Variants in GALNT5 observed in about 807,000 individuals in gnomAD.
The protein encoded by GALNT5 is polypeptide N-acetylgalactosaminyltransferase 5.
Under a neutral mutation model 85.4 loss-of-function variants are expected in GALNT5, and 72 were observed. That is an observed-to-expected ratio of 0.84 (90% CI 0.70 to 1.03). The LOEUF (loss-of-function observed/expected upper bound fraction) is 1.03, where lower values mean the gene tolerates loss of function less well. GALNT5 is among the 50% of genes least tolerant of loss of function. The pLI is 0.00. For missense variants in GALNT5, 1,137 were observed against 1,135.5 expected (o/e 1.00, Z -0.02); for synonymous variants, 404 against 397.0 (o/e 1.02, Z -0.21).
At chr2:157,260,818 A>G (rs1682320332) in intron 1 of GALNT5, among the ~76,000 whole-genome samples, 1 of 152,206 alleles carries the variant, frequency 6.6e-6, no homozygotes, top group Non-Finnish European at 1.5e-5. Context: ...AGCCATCAGC[A>G]AACAGCTATC....
Position 157,312,593 on chromosome 2 carries a change from C to A in GALNT5, c.*1245C>A, listed in dbSNP as rs1205530373. On this transcript the variant is annotated 3_prime_UTR_variant, in exon 10 of 10. Coordinates refer to ENST00000259056, the MANE Select transcript of GALNT5 (RefSeq NM_014568.3). ...AATCTTAAGCATACCAATACTTTGG[C>A]ATACCAGAAGACACCTTAGAAATCA... 1 of 152,106 alleles carries A rather than the reference C, an allele frequency of 6.6e-6. No homozygotes were observed. Among genetic ancestry groups the A allele is most frequent in the Admixed American group, 6.6e-5 (1 of 15,248 alleles). The allele number at this position is 152,106 out of a possible 1,614,324, so 9.4% of individuals were successfully genotyped here.
At chr2:157,299,008 G>A (rs1369464633) in intron 5 of GALNT5, 2 of 153,102 alleles carry the variant, frequency 1.3e-5, no homozygotes, top group Non-Finnish European at 1.5e-5. Context: ...AGGGATGGTC[G>A]TCCTCTTCCA....
At chr2:157,301,068 G>A in intron 7 of GALNT5, 69 bp downstream of exon 7, 1 of 1,126,120 alleles carries the variant, frequency 8.9e-7, no homozygotes, top group Non-Finnish European at 1.3e-6. Flanking sequence ...TCAAAAATGT[G>A]TGGAAAGAAT....
At position 157,300,972 on chromosome 2, in the gene GALNT5, G is replaced by T; in HGVS notation, c.2412G>T (p.Arg804Ser). 1 of 1,613,704 alleles carries T rather than the reference G, an allele frequency of 6.2e-7. No homozygotes were observed. Among genetic ancestry groups the T allele is most frequent in the Non-Finnish European group, 8.5e-7 (1 of 1,179,836 alleles). Residue 804 changes from arginine (R) to serine (S), a missense_variant, in exon 7 of 10, where the codon AGG becomes AGT. By Grantham distance (110) the Arg-to-Ser change is moderately radical (BLOSUM62 -1). Transcript: ENST00000259056. ...WYLENVFPDL[R>S]APIVRASGVL... The stretch of plus-strand genomic sequence containing the variant: ...TGGAGAATGTCTTTCCTGACTTAAG[G>T]GCTCCCATTGTGAGAGCTAGTGGTG...
chr2:157,294,310 AG>A (rs942387324), intron 3 of GALNT5, among the ~76,000 whole-genome samples: 3 of 152,144 alleles, frequency 2.0e-5, no homozygotes, highest in Non-Finnish European at 4.4e-5. Context: ...AGCAGAACAG[AG>A]CAGACAAGAG....
chr2:157,303,721 G>T (rs918069800), intron 7 of GALNT5, among the ~76,000 whole-genome samples: 7 of 151,688 alleles, frequency 4.6e-5, no homozygotes, highest in Non-Finnish European at 8.8e-5. Flanking sequence ...TAAGAAAAAG[G>T]AAAAAAAAAT....
chr2:157,265,867 T>C (rs1195779203), intron 1 of GALNT5, among the ~76,000 whole-genome samples: 1 of 152,246 alleles, frequency 6.6e-6, no homozygotes, highest in Non-Finnish European at 1.5e-5. Context: ...CAAACTCAAG[T>C]ACCTCCTCAA....
intron 1 of GALNT5, among the ~76,000 whole-genome samples, chr2:157,269,794 A>AGTTAAC (rs1682541290): frequency 6.6e-6 from 1 of 152,154 alleles, no homozygotes; most frequent in Admixed American, 6.5e-5. Context: ...AGTCATTTGC[A>AGTTAAC]TGAGCCTGCT....
intron 1 of GALNT5, among the ~76,000 whole-genome samples, chr2:157,279,553 G>A (rs894697450): frequency 2.6e-5 from 4 of 152,160 alleles, no homozygotes; most frequent in Non-Finnish European, 4.4e-5. Flanking sequence ...CCAGGCTGCC[G>A]CCTCCCAGTT....
In GALNT5 at chr2:157,300,730, A is replaced by G; in HGVS notation, c.2170A>G (p.Ile724Val). 6.2e-7 allele frequency: 1 copy of G among 1,614,044 alleles called. No homozygotes were observed. Among genetic ancestry groups the G allele is most frequent in the Non-Finnish European group, 8.5e-7 (1 of 1,179,906 alleles). The change falls in exon 7 of 10, where the codon ATA becomes GTA. Residue 724 changes from isoleucine to valine, a missense_variant. Ile to Val is a conservative substitution (Grantham distance 29, BLOSUM62 3). Coordinates refer to ENST00000259056, the MANE Select transcript of GALNT5 (RefSeq NM_014568.3). ...EIIPCSRVGH[I>V]FRNDNPYSFP... ...CATTCCCTGCTCCCGAGTGGGCCATATATTCAGAAATGACAATCCATATTC... is the reference window on the plus strand; with the variant it reads ...CATTCCCTGCTCCCGAGTGGGCCATGTATTCAGAAATGACAATCCATATTC...
At chr2:157,286,514 GT>G (rs1418551352) in intron 3 of GALNT5, among the ~76,000 whole-genome samples, 4 of 151,478 alleles carry the variant, frequency 2.6e-5, no homozygotes, top group South Asian at 2.1e-4. Flanking sequence ...TTTTGTTTTT[GT>G]TTTTTTGAGA....
intron 8 of GALNT5, among the ~76,000 whole-genome samples, chr2:157,307,303 A>G (rs1683475412): frequency 6.6e-6 from 1 of 152,244 alleles, no homozygotes; most frequent in South Asian, 2.1e-4. Flanking sequence ...GCTTAATACC[A>G]AGCCAGTGAC....
At chr2:157,310,338 C>G (rs1683542997) in intron 9 of GALNT5, among the ~76,000 whole-genome samples, 1 of 152,106 alleles carries the variant, frequency 6.6e-6, no homozygotes, top group East Asian at 1.9e-4. Flanking sequence ...GCTATTGCTA[C>G]TAGGTCTCCC....
At chr2:157,304,083 A>T (rs2105166346) in intron 7 of GALNT5, among the ~76,000 whole-genome samples, 1 of 152,302 alleles carries the variant, frequency 6.6e-6, no homozygotes, top group Admixed American at 6.5e-5. Context: ...AGCTTACATA[A>T]TATTTATCTC....
intron 1 of GALNT5, among the ~76,000 whole-genome samples, chr2:157,273,497 TAAA>T (rs1682640566): frequency 6.6e-6 from 1 of 151,684 alleles, no homozygotes; most frequent in South Asian, 2.1e-4. Context: ...TCCTCAAACT[TAAA>T]AGAAGCTTCA....
chr2:157,317,138 A>G lies in GALNT5; in HGVS notation c.*5790A>G, dbSNP rs1683724345. Among the ~76,000 whole-genome samples the G allele has an allele frequency of 6.7e-6, 1 of 149,344 alleles. No individual in the cohort carries two copies. Among genetic ancestry groups the G allele is most frequent in the Non-Finnish European group, 1.5e-5 (1 of 67,336 alleles). Reference sequence around the variant, plus strand: ...ATAGATTTTTAAGTGACCACTCAAAAACATAGCAATTTTTGTAAATATACT... The same window carrying G: ...ATAGATTTTTAAGTGACCACTCAAAGACATAGCAATTTTTGTAAATATACT... On this transcript the variant is annotated 3_prime_UTR_variant, in exon 10 of 10. Coordinates refer to ENST00000259056, the MANE Select transcript of GALNT5 (RefSeq NM_014568.3).
Position 157,261,677 on chromosome 2 carries a change from A to G in GALNT5, c.1454+2141A>G, listed in dbSNP as rs533005091. Among the ~76,000 whole-genome samples the G allele has an allele frequency of 2.0e-5, 3 of 152,336 alleles. No homozygotes were observed. The East Asian group carries it at 5.8e-4, about 29-fold the overall frequency. ...CTTTTGTAGTCCTCTTCTTTGAAAG[A>G]GGATAAATCATTTTTTGTTCTTTTA... On this transcript the variant is annotated intron_variant, in intron 1 of 9. Coordinates refer to ENST00000259056, the MANE Select transcript of GALNT5 (RefSeq NM_014568.3).
Position 157,316,178 on chromosome 2 carries a change from G to A in GALNT5, c.*4830G>A, listed in dbSNP as rs908659236. ...CACACCTGGTGACAAGGAAAAGGGA[G>A]CAGGAATCACCATATTGAATGTGCC... On this transcript the variant is annotated 3_prime_UTR_variant, in exon 10 of 10. Transcript: ENST00000259056. Among the ~76,000 whole-genome samples the A allele has an allele frequency of 1.3e-5, 2 of 151,926 alleles. No homozygotes were observed. The highest frequency in any genetic ancestry group is 2.9e-5 in the Non-Finnish European group (2 of 68,010).
chr2:157,281,330 G>A (rs1159271870), intron 1 of GALNT5, among the ~76,000 whole-genome samples: 2 of 152,312 alleles, frequency 1.3e-5, no homozygotes, highest in East Asian at 1.9e-4. Context: ...CTCCCAGAGT[G>A]CTGGGATTAC....
Sources: allele counts gnomAD v4.1 joint callset (sites outside exome capture counted in the v4.1 genomes callset), GRCh38; gene constraint gnomAD v4.1.1; transcripts MANE v1.5; gene names NCBI Gene and HGNC (gene_info 2026-07-23, HGNC 2026-07-21).